The following XYLT1 variants were observed in gnomAD, a reference collection of about 807,000 sequenced individuals.
The protein encoded by XYLT1 is xylosyltransferase 1.
A neutral mutation model predicts 91.3 loss-of-function variants in XYLT1; 36 were observed. That is an observed-to-expected ratio of 0.39 (90% confidence interval 0.30 to 0.52). The LOEUF (loss-of-function observed/expected upper bound fraction) is 0.52, where lower values mean the gene tolerates loss of function less well. Ranked by LOEUF, XYLT1 falls within the 20% of genes least tolerant of loss-of-function variation. The pLI is 0.68. For synonymous variants in XYLT1, 588 were observed against 532.0 expected (o/e 1.11, Z -1.45); for missense variants, 1,242 against 1,284.5 (o/e 0.97, Z 0.51).
At chr16:17,392,419 C>T (rs959841615) in intron 1 of XYLT1, among the ~76,000 whole-genome samples, 2 of 152,204 alleles carry the variant, frequency 1.3e-5, no homozygotes, top group Non-Finnish European at 2.9e-5. Context: ...TCAACACATC[C>T]TCCTATTTTA....
intron 1 of XYLT1, among the ~76,000 whole-genome samples, chr16:17,424,680 C>A (rs1018338633): frequency 6.6e-6 from 1 of 151,906 alleles, no homozygotes; most frequent in Admixed American, 6.6e-5. Flanking sequence ...CCATCCTGGT[C>A]AACACGGTGA....
At chr16:17,435,940 C>G (rs1207062721) in intron 1 of XYLT1, among the ~76,000 whole-genome samples, 1 of 152,170 alleles carries the variant, frequency 6.6e-6, no homozygotes, top group Admixed American at 6.5e-5. Context: ...TTGGCTGTGT[C>G]CCCACCCAAA....
intron 1 of XYLT1, among the ~76,000 whole-genome samples, chr16:17,434,179 C>G (rs1048941990): frequency 1.3e-5 from 2 of 152,316 alleles, no homozygotes; most frequent in East Asian, 3.9e-4. Flanking sequence ...CGCCTCTGCC[C>G]TGGAACCAAC....
In XYLT1 at chr16:17,140,658, C is replaced by CAAAAAAAAAAAA. The variant is rs71137974; in HGVS notation, c.1587+483_1587+494dup. 2.5e-4 allele frequency among the ~76,000 whole-genome samples: 17 copies of CAAAAAAAAAAAA among 68,028 alleles called. 1 individual carries two copies. Among genetic ancestry groups the CAAAAAAAAAAAA allele is most frequent in the African/African-American group, 9.4e-4 (16 of 17,108 alleles). The allele number at this position is 68,028 out of a possible 152,430, so 44.6% of individuals were successfully genotyped here. A position where few individuals can be genotyped will look rare whatever the true frequency, so the allele number is the denominator to read the frequency against. ...CCTGGATGACAGAGGAAGACTGTCT[C>CAAAAAAAAAAAA]AAAAAAAAAAAAAAAAAAAAAAAAA... On this transcript the variant is annotated intron_variant, in intron 7 of 11. Coordinates refer to ENST00000261381, the MANE Select transcript of XYLT1 (RefSeq NM_022166.4).
At chr16:17,175,834 G>C (rs2031930863) in intron 5 of XYLT1, among the ~76,000 whole-genome samples, 1 of 152,202 alleles carries the variant, frequency 6.6e-6, no homozygotes, top group Non-Finnish European at 1.5e-5. Flanking sequence ...AGAAGCAGCT[G>C]AGCCAACCTT....
chr16:17,358,398 A>G (rs1567391469), intron 1 of XYLT1, among the ~76,000 whole-genome samples: 1 of 152,016 alleles, frequency 6.6e-6, no homozygotes, highest in Non-Finnish European at 1.5e-5. Flanking sequence ...CGGCCACCCA[A>G]CGTGCTGGGA....
intron 1 of XYLT1, among the ~76,000 whole-genome samples, chr16:17,427,014 G>C (rs982585518): frequency 6.6e-6 from 1 of 152,194 alleles, no homozygotes; most frequent in African/African-American, 2.4e-5. Flanking sequence ...TGGCTTGGGA[G>C]TAATTAGGTG....
At chr16:17,400,543 T>A (rs2035949541) in intron 1 of XYLT1, among the ~76,000 whole-genome samples, 2 of 145,022 alleles carry the variant, frequency 1.4e-5, no homozygotes, top group South Asian at 4.3e-4. Flanking sequence ...TGAGCTGAGA[T>A]CATGCCATCA....
chr16:17,235,645 C>T (rs529064466), intron 3 of XYLT1, among the ~76,000 whole-genome samples: 1 of 152,180 alleles, frequency 6.6e-6, no homozygotes, highest in Non-Finnish European at 1.5e-5. Context: ...ATGACAAATG[C>T]TTTCTTTGCA....
chr16:17,408,416 T>C (rs1434111851), intron 1 of XYLT1, among the ~76,000 whole-genome samples: 2 of 152,232 alleles, frequency 1.3e-5, no homozygotes, highest in Non-Finnish European at 2.9e-5. Context: ...CTCCTGAGTT[T>C]TGTGCTTGGA....
chr16:17,198,445 T>C (rs905794425), intron 4 of XYLT1, 31 bp from the exon 5 acceptor site: 2 of 1,604,368 alleles, frequency 1.2e-6, no homozygotes, highest in Non-Finnish European at 1.7e-6. Context: ...GTGATGACAG[T>C]CAGTGGCCTA....
chr16:17,286,461 T>C (rs975662549), intron 2 of XYLT1, among the ~76,000 whole-genome samples: 1 of 152,194 alleles, frequency 6.6e-6, no homozygotes, highest in Non-Finnish European at 1.5e-5. Context: ...CCATTCACCT[T>C]CAAGTATCCA....
intron 1 of XYLT1, among the ~76,000 whole-genome samples, chr16:17,454,893 C>T (rs1596554764): frequency 9.3e-6 from 1 of 107,720 alleles, no homozygotes; most frequent in African/African-American, 5.1e-5. Context: ...CACAAAATAT[C>T]ATTCTTTCCT....
chr16:17,458,440 C>T (rs2036773042), intron 1 of XYLT1, among the ~76,000 whole-genome samples: 1 of 152,192 alleles, frequency 6.6e-6, no homozygotes, highest in African/African-American at 2.4e-5. Context: ...AGAAGACAGG[C>T]ATGGGGAGCT....
chr16:17,394,315 C>T (rs12448330), intron 1 of XYLT1, among the ~76,000 whole-genome samples: 69,744 of 151,996 alleles, frequency 0.46, 17,261 homozygotes, highest in African/African-American at 0.63. Flanking sequence ...GCAGCGATCA[C>T]CGTTGCAGTT....
intron 1 of XYLT1, among the ~76,000 whole-genome samples, chr16:17,358,768 A>C (rs1222523058): frequency 1.3e-5 from 2 of 152,136 alleles, no homozygotes; most frequent in Non-Finnish European, 2.9e-5. Flanking sequence ...AAAGAATATA[A>C]AGTCCTGACT....
chr16:17,449,507 G>A (rs976943108), intron 1 of XYLT1, among the ~76,000 whole-genome samples: 2 of 152,364 alleles, frequency 1.3e-5, no homozygotes, highest in African/African-American at 2.4e-5. Flanking sequence ...ATCAAGTGAC[G>A]TGGTGGTTAT....
At chr16:17,404,827 T>C (rs1200164068) in intron 1 of XYLT1, among the ~76,000 whole-genome samples, 3 of 152,188 alleles carry the variant, frequency 2.0e-5, no homozygotes, top group Admixed American at 6.5e-5. Flanking sequence ...ACAAAAGGCA[T>C]GCAAACATAG....
rs951310495 is a variant in XYLT1 at position 17,108,500 on chromosome 16, C to T, written c.*195G>A. 21 of 552,992 alleles carry T rather than the reference C, an allele frequency of 3.8e-5. No individual in the cohort carries two copies. The highest frequency in any genetic ancestry group is 4.7e-4 in the Middle Eastern group (1 of 2,148). 34.3% of individuals were successfully genotyped at this position (552,992 alleles called of 1,614,324 possible). Reference sequence around the variant, plus strand: ...AGTGCAGGGACTGAGCCATCCCACCCGCAGCTTGCCAAAGGCAGGTTGTTG... The same window carrying T: ...AGTGCAGGGACTGAGCCATCCCACCTGCAGCTTGCCAAAGGCAGGTTGTTG... On this transcript the variant is annotated 3_prime_UTR_variant, in exon 12 of 12. Coordinates refer to ENST00000261381, the MANE Select transcript of XYLT1 (RefSeq NM_022166.4).
Sources: gnomAD v4.1 joint callset for allele counts (sites outside exome capture counted in the v4.1 genomes callset) on GRCh38, gnomAD v4.1.1 for gene constraint, MANE v1.5 for transcripts, NCBI Gene and HGNC (gene_info 2026-07-23, HGNC 2026-07-21) for gene names.